The following TMPRSS11D variants were observed in gnomAD, a reference collection of about 807,000 sequenced individuals.
The protein encoded by TMPRSS11D is transmembrane protease serine 11D.
TMPRSS11D carries 32 observed loss-of-function variants against 44.4 expected under a neutral mutation model. The observed-to-expected ratio is 0.72, with a 90% CI of 0.54 to 0.97. TMPRSS11D has a LOEUF of 0.97. Ranked by LOEUF, TMPRSS11D falls within the 50% of genes least tolerant of loss-of-function variation. The pLI, the probability that TMPRSS11D is intolerant of heterozygous loss-of-function variation, is 0.00. For synonymous variants in TMPRSS11D, 179 were observed against 177.9 expected (o/e 1.01, Z -0.05); for missense variants, 446 against 502.6 (o/e 0.89, Z 1.08).
intron 1 of TMPRSS11D, among the ~76,000 whole-genome samples, chr4:67,880,765 A>G (rs548455547): frequency 3.3e-4 from 50 of 152,060 alleles, no homozygotes; most frequent in Non-Finnish European, 5.9e-4. Context: ...CAGGGAATAC[A>G]GGGAATACTT....
intron 1 of TMPRSS11D, among the ~76,000 whole-genome samples, chr4:67,874,174 G>T (rs1719124042): frequency 6.6e-6 from 1 of 152,092 alleles, no homozygotes; most frequent in African/African-American, 2.4e-5. Context: ...CATAGTCTAG[G>T]TGTGTAATAG....
At chr4:67,870,611 G>A (rs1000242477) in intron 1 of TMPRSS11D, among the ~76,000 whole-genome samples, 1 of 151,936 alleles carries the variant, frequency 6.6e-6, no homozygotes, top group African/African-American at 2.4e-5. Context: ...TCAGGAGATC[G>A]AGACCATCCT....
intron 4 of TMPRSS11D, among the ~76,000 whole-genome samples, chr4:67,842,212 A>G (rs1718248716): frequency 6.6e-6 from 1 of 152,166 alleles, no homozygotes; most frequent in Non-Finnish European, 1.5e-5. Flanking sequence ...AAACCACAGC[A>G]TTGTACAACT....
chr4:67,835,383 A>G (rs11131728), intron 5 of TMPRSS11D, among the ~76,000 whole-genome samples: 87,695 of 152,030 alleles, frequency 0.58, 28,042 homozygotes, highest in South Asian at 0.72. Context: ...TTAATTTCTC[A>G]TTAAATACTT....
chr4:67,880,137 C>T (rs1007465806), intron 1 of TMPRSS11D, among the ~76,000 whole-genome samples: 3 of 152,154 alleles, frequency 2.0e-5, no homozygotes, highest in Non-Finnish European at 2.9e-5. Flanking sequence ...GTAACAGTTA[C>T]ATTGTGAAAG....
At chr4:67,874,409 C>T (rs1255813206) in intron 1 of TMPRSS11D, among the ~76,000 whole-genome samples, 1 of 152,092 alleles carries the variant, frequency 6.6e-6, no homozygotes, top group African/African-American at 2.4e-5. Context: ...AGATATTCTC[C>T]ACTCATCGTT....
intron 3 of TMPRSS11D, among the ~76,000 whole-genome samples, chr4:67,848,553 CTG>C (rs1439378123): frequency 2.0e-5 from 3 of 152,114 alleles, no homozygotes; most frequent in Non-Finnish European, 2.9e-5. Flanking sequence ...AAAATTATAA[CTG>C]TGAAAAGTGC....
intron 2 of TMPRSS11D, among the ~76,000 whole-genome samples, chr4:67,858,938 T>TATA (rs909145088): frequency 7.2e-5 from 11 of 152,110 alleles, no homozygotes; most frequent in African/African-American, 2.7e-4. Context: ...TTTTTAGTGA[T>TATA]ATAATAATAA....
At chr4:67,859,205 T>C (rs1718733699) in intron 2 of TMPRSS11D, among the ~76,000 whole-genome samples, 1 of 152,106 alleles carries the variant, frequency 6.6e-6, no homozygotes, top group South Asian at 2.1e-4. Flanking sequence ...AGGTTATCAA[T>C]GAAGGAAATC....
Position 67,833,876 on chromosome 4 carries a change from G to A in TMPRSS11D, c.515-495C>T, listed in dbSNP as rs1225718533. The stretch of plus-strand genomic sequence containing the variant: ...TGAGGTTCATGCACACATTGAAGTT[G>A]GAGGAAAACTGGTCTCATCCAAAAG... On this transcript the variant is annotated intron_variant, in intron 6 of 9. Transcript: ENST00000283916. Among the ~76,000 whole-genome samples, 20 of 152,112 alleles carry A rather than the reference G, an allele frequency of 1.3e-4. 1 individual carries two copies. The highest frequency in any genetic ancestry group is 1.2e-3 in the Admixed American group (18 of 15,270).
At chr4:67,872,594 T>C (rs1010081767) in intron 1 of TMPRSS11D, among the ~76,000 whole-genome samples, 3 of 152,196 alleles carry the variant, frequency 2.0e-5, no homozygotes, top group African/African-American at 7.2e-5. Context: ...ACGTGAAGTT[T>C]CTGTTTTATA....
chr4:67,883,943 T>C lies in TMPRSS11D; in HGVS notation c.-10A>G, dbSNP rs766268450. ...GGACTTACCTATACATTTTAATCCT[T>C]AATGAAGAGGTTCTTTTTTCTGCCT... On this transcript the variant is annotated 5_prime_UTR_variant, in exon 1 of 10. Transcript: ENST00000283916. The C allele has an allele frequency of 2.5e-6, 4 of 1,601,586 alleles. No individual in the cohort carries two copies.
intron 1 of TMPRSS11D, among the ~76,000 whole-genome samples, chr4:67,880,914 C>A (rs1719305814): frequency 6.6e-6 from 1 of 152,204 alleles, no homozygotes; most frequent in Non-Finnish European, 1.5e-5. Context: ...TCTGCTTTTT[C>A]TTTCTGCTGA....
intron 8 of TMPRSS11D, 114 bp from the exon 9 acceptor site, chr4:67,825,988 T>A (rs1717783695): frequency 1.6e-6 from 2 of 1,249,908 alleles, no homozygotes; most frequent in East Asian, 4.9e-5. Context: ...TATTTAACAA[T>A]GAAGGCTTCT....
Position 67,827,527 on chromosome 4 carries a change from C to T in TMPRSS11D, c.693-7G>A. The T allele has an allele frequency of 6.3e-7, 1 of 1,578,712 alleles. No homozygotes were observed. Among genetic ancestry groups the T allele is most frequent in the East Asian group, 2.2e-5 (1 of 44,574 alleles). ...GTCACGAGGATTAGAGTTGCTAAAA[C>T]ATTATGAAAACATGCTATATGAGTA... is the stretch of plus-strand genomic sequence containing the variant. On this transcript the variant is annotated splice_region_variant and splice_polypyrimidine_tract_variant and intron_variant, in intron 7 of 9. Coordinates refer to ENST00000283916, the MANE Select transcript of TMPRSS11D (RefSeq NM_004262.3).
intron 6 of TMPRSS11D, 176 bp from the exon 7 acceptor site, chr4:67,833,557 G>A: frequency 2.0e-6 from 1 of 488,310 alleles, no homozygotes; most frequent in East Asian, 3.5e-5. Flanking sequence ...TGTGACTACT[G>A]TTGCTTATAG....
chr4:67,868,197 C>A (rs948736417), intron 1 of TMPRSS11D, among the ~76,000 whole-genome samples: 38 of 152,016 alleles, frequency 2.5e-4, no homozygotes, highest in African/African-American at 9.2e-4. Context: ...GGTGAAACAA[C>A]TCAGAAACAA....
At position 67,825,861 on chromosome 4, in the gene TMPRSS11D, T is replaced by A; in HGVS notation, c.966A>T (p.Pro322=). 1 of 1,611,470 alleles carries A rather than the reference T, an allele frequency of 6.2e-7. No individual in the cohort carries two copies. The highest frequency in any genetic ancestry group is 8.5e-7 in the Non-Finnish European group (1 of 1,178,392). The part of the protein sequence containing the change: ...GAQEYAGHTV[P]ELRQGQVRII... ...TTCTGACCTGTCCTTGCCTTAGCTCTGGAACTGTGTGGCCTGTTTGTTATA... is the reference window on the plus strand; with the variant it reads ...TTCTGACCTGTCCTTGCCTTAGCTCAGGAACTGTGTGGCCTGTTTGTTATA... Residue 322 remains proline, a synonymous_variant, in exon 9 of 10, where the codon CCA becomes CCT. Coordinates refer to ENST00000283916, the MANE Select transcript of TMPRSS11D (RefSeq NM_004262.3).
intron 3 of TMPRSS11D, 59 bp downstream of exon 3, chr4:67,854,009 G>C: frequency 6.9e-6 from 7 of 1,014,976 alleles, no homozygotes; most frequent in Non-Finnish European, 8.7e-6. Context: ...CAAAACATTA[G>C]GTTTATTATC....
Sources: gnomAD v4.1 joint callset for allele counts (sites outside exome capture counted in the v4.1 genomes callset) on GRCh38, gnomAD v4.1.1 for gene constraint, MANE v1.5 for transcripts, NCBI Gene and HGNC (gene_info 2026-07-23, HGNC 2026-07-21) for gene names.